Variants in TMEM101 observed in about 807,000 individuals in gnomAD.
The protein encoded by TMEM101 is transmembrane protein 101.
A neutral mutation model predicts 26.0 loss-of-function variants in TMEM101; 14 were observed. The ratio of observed to expected loss-of-function variants is 0.54; its 90% confidence interval spans 0.36 to 0.84. The LOEUF (loss-of-function observed/expected upper bound fraction) is 0.84. Among genes scored for constraint, TMEM101 ranks in the 40% least tolerant of loss-of-function variants. TMEM101 has a pLI of 0.01. For missense variants in TMEM101, 292 were observed against 345.1 expected (o/e 0.85, Z 1.22); for synonymous variants, 152 against 145.1 (o/e 1.05, Z -0.34).
chr17:44,012,062 CAG>C lies in TMEM101; in HGVS notation c.638_639del (p.Pro213ArgfsTer6), dbSNP rs749586725. ...AAQILAVLLP[P>X]VMLLIDGNVA... ...ACATTGCCATCAATGAGCAGCATGA[CAG>C]GGGGCAGCAGTACAGCCAGGATCTG... On this transcript the variant is annotated frameshift_variant, in exon 4 of 4. Coordinates refer to ENST00000206380, the MANE Select transcript of TMEM101 (RefSeq NM_032376.4). LOFTEE classifies it high-confidence loss of function. The C allele has an allele frequency of 3.4e-5, 55 of 1,614,120 alleles. No individual in the cohort carries two copies. Among genetic ancestry groups the C allele is most frequent in the African/African-American group, 9.3e-5 (7 of 74,920 alleles).
chr17:44,022,814 G>A (rs976932050), intron 1 of TMEM101, among the ~76,000 whole-genome samples: 10 of 152,226 alleles, frequency 6.6e-5, no homozygotes, highest in Admixed American at 2.6e-4. Flanking sequence ...TTCGGATTCT[G>A]TTTGTGACAC....
chr17:44,012,146 G>A lies in TMEM101; in HGVS notation c.556C>T (p.Leu186=). ...AAGGCCAGGGCCAGGATGCCATACAGCACGAAGAACAGCTGGATCATCAGC... is the reference window on the plus strand; with the variant it reads ...AAGGCCAGGGCCAGGATGCCATACAACACGAAGAACAGCTGGATCATCAGC... The part of the protein sequence containing the change: ...GELMIQLFFV[L]YGILALAFLS... Residue 186 remains leucine, a synonymous_variant, in exon 4 of 4, where the codon CTG becomes TTG. Transcript: ENST00000206380. 2 of 1,614,262 alleles carry A rather than the reference G, an allele frequency of 1.2e-6. No individual in the cohort carries two copies. The highest frequency in any genetic ancestry group is 1.6e-4 in the Middle Eastern group (1 of 6,062).
At chr17:44,016,342 TTTA>T (rs2049231077), upstream of TMEM101, among the ~76,000 whole-genome samples, 1 of 152,074 alleles carries the variant, frequency 6.6e-6, no homozygotes, top group South Asian at 2.1e-4. Context: ...CCGGCTAATT[TTTA>T]TTTTTAGTGG....
chr17:44,017,467 G>A (rs1272244519), upstream of TMEM101, among the ~76,000 whole-genome samples: 18 of 151,638 alleles, frequency 1.2e-4, no homozygotes, highest in African/African-American at 3.2e-4. Context: ...GGTGGCAGGC[G>A]CCTGCAGTCC....
exon 2 of TMEM101, chr17:44,021,425 GATTAA>G (rs2144039828): frequency 6.6e-6 from 1 of 152,328 alleles, no homozygotes; most frequent in South Asian, 2.1e-4. Context: ...TCTGCCTGCT[GATTAA>G]ATAGTCTGTC....
upstream of TMEM101, chr17:44,019,356 C>T: frequency 2.3e-6 from 1 of 438,814 alleles, no homozygotes; most frequent in South Asian, 1.6e-5. Context: ...AAACAACAGC[C>T]TGGGCTCCAG....
chr17:44,015,142 G>A, upstream of TMEM101: 1 of 639,464 alleles, frequency 1.6e-6, no homozygotes, highest in South Asian at 2.3e-5. Flanking sequence ...GAGCCTTCAG[G>A]GCCATATTTG....
At chr17:44,020,833 G>A (rs1297644609) in intron 2 of TMEM101, among the ~76,000 whole-genome samples, 1 of 152,198 alleles carries the variant, frequency 6.6e-6, no homozygotes, top group Non-Finnish European at 1.5e-5. Flanking sequence ...AGCGGCCTCT[G>A]GCAACTCAAC....
intron 1 of TMEM101, among the ~76,000 whole-genome samples, chr17:44,022,516 G>T (rs1048434518): frequency 6.6e-6 from 1 of 152,252 alleles, no homozygotes; most frequent in African/African-American, 2.4e-5. Flanking sequence ...CATTTCTCCT[G>T]TAGCAACCAG....
At chr17:44,022,027 G>A (rs2049289918) in intron 1 of TMEM101, among the ~76,000 whole-genome samples, 1 of 152,132 alleles carries the variant, frequency 6.6e-6, no homozygotes, top group Non-Finnish European at 1.5e-5. Flanking sequence ...TTGTTCAAAA[G>A]CCATGGTCTC....
exon 1 of TMEM101, chr17:44,023,041 G>A (rs1597876038): frequency 2.8e-6 from 1 of 353,322 alleles, no homozygotes; most frequent in Non-Finnish European, 5.5e-6. Context: ...ACACTCACCA[G>A]ACTATGGAGG....
upstream of TMEM101, chr17:44,019,348 A>G (rs371546606): frequency 1.4e-5 from 6 of 436,840 alleles, no homozygotes; most frequent in East Asian, 4.4e-4. Flanking sequence ...AGACTAGGAA[A>G]CAACAGCCTG....
In TMEM101 at chr17:44,011,910, A is replaced by G; in HGVS notation, c.*18T>C. 4.4e-6 allele frequency: 7 copies of G among 1,590,336 alleles called. No individual in the cohort carries two copies. Among genetic ancestry groups the G allele is most frequent in the Non-Finnish European group, 6.0e-6 (7 of 1,165,314 alleles). ...CTCAGTGGCTCCCTGTGCCCATCTC[A>G]GCCTCTTGCCATAAAACTCAGCCAT... is the stretch of plus-strand genomic sequence containing the variant. On this transcript the variant is annotated 3_prime_UTR_variant, in exon 4 of 4. Coordinates refer to ENST00000206380, the MANE Select transcript of TMEM101 (RefSeq NM_032376.4).
chr17:44,018,192 A>C (rs2049252418), upstream of TMEM101, among the ~76,000 whole-genome samples: 1 of 152,218 alleles, frequency 6.6e-6, no homozygotes, highest in African/African-American at 2.4e-5. Context: ...GAAGCCAGGC[A>C]TGGTGGCCCA....
rs747141095 is a variant in TMEM101, at chr17:44,013,142, G to A, written c.332C>T (p.Ser111Leu). 1.6e-5 allele frequency: 26 copies of A among 1,593,662 alleles called. No homozygotes were observed. The highest frequency in any genetic ancestry group is 1.6e-4 in the South Asian group (14 of 89,846). Residue 111 changes from serine (S) to leucine (L), a missense_variant, in exon 3 of 4, where the codon TCG becomes TTG. Around this residue, in one of 2 missense-constraint regions of TMEM101, gnomAD observed 149 missense variants for 211.9 expected, o/e 0.70. Coordinates refer to ENST00000206380, the MANE Select transcript of TMEM101 (RefSeq NM_032376.4). ...YGDWLKVRMYSRTVAIIGGFL... is the reference protein window; with the variant it reads ...YGDWLKVRMYLRTVAIIGGFL... ...GCCGCCGATGATGGCAACTGTGCGC[G>A]AGTACATACGGACCTAGGCCGGGGT...
intron 1 of TMEM101, 111 bp from the exon 2 acceptor site, chr17:44,014,648 C>A: frequency 6.6e-7 from 1 of 1,510,044 alleles, no homozygotes. Flanking sequence ...CCAGACTCCC[C>A]TCCCATGGGC....
At chr17:44,014,242 G>A (rs1205093325) in intron 2 of TMEM101, 115 bp downstream of exon 2, 3 of 1,288,076 alleles carry the variant, frequency 2.3e-6, no homozygotes, top group Non-Finnish European at 1.1e-6. Context: ...GAACCTCCCA[G>A]GCTTCACACT....
At chr17:44,016,388 C>T (rs755155339), upstream of TMEM101, among the ~76,000 whole-genome samples, 1 of 152,154 alleles carries the variant, frequency 6.6e-6, no homozygotes, top group African/African-American at 2.4e-5. Flanking sequence ...CCAGGCTGCT[C>T]TCGAACTCCT....
upstream of TMEM101, among the ~76,000 whole-genome samples, chr17:44,017,152 C>CAAA (rs11406745): frequency 4.0e-3 from 540 of 135,248 alleles, 5 homozygotes; most frequent in Middle Eastern, 0.035. Flanking sequence ...GACTCTGTCT[C>CAAA]AAAAAAAAAA....
Sources: allele counts gnomAD v4.1 joint callset (sites outside exome capture counted in the v4.1 genomes callset), GRCh38; gene constraint gnomAD v4.1.1; regional missense constraint gnomAD v4.1.1; transcripts MANE v1.5; gene names NCBI Gene and HGNC (gene_info 2026-07-23, HGNC 2026-07-21).